LHFPL3: variants seen among roughly 807,000 people sequenced by gnomAD.
LHFPL3 encodes the protein LHFPL tetraspan subfamily member 3 protein.
Under a neutral mutation model 19.3 loss-of-function variants are expected in LHFPL3, and 5 were observed. That is an observed-to-expected ratio of 0.26 (90% CI 0.14 to 0.54). The LOEUF (loss-of-function observed/expected upper bound fraction) is 0.54. Among genes scored for constraint, LHFPL3 ranks in the 20% least tolerant of loss-of-function variants. The pLI, the probability that LHFPL3 is intolerant of heterozygous loss-of-function variation, is 0.94. For synonymous variants in LHFPL3, 133 were observed against 126.2 expected (o/e 1.05, Z -0.36); for missense variants, 249 against 307.4 (o/e 0.81, Z 1.42).
chr7:104,529,594 TAGTC>T (rs1420412470), intron 1 of LHFPL3, among the ~76,000 whole-genome samples: 1 of 152,164 alleles, frequency 6.6e-6, no homozygotes, highest in Non-Finnish European at 1.5e-5. Context: ...GTGAAAGAAA[TAGTC>T]AGCTGGTTCC....
chr7:104,579,009 C>T (rs919130629), intron 1 of LHFPL3, among the ~76,000 whole-genome samples: 4 of 152,130 alleles, frequency 2.6e-5, no homozygotes, highest in Admixed American at 6.6e-5. Flanking sequence ...ATTTTGGAAG[C>T]ATTTGAGAGC....
intron 1 of LHFPL3, among the ~76,000 whole-genome samples, chr7:104,582,815 A>T (rs113020494): frequency 1.1e-3 from 163 of 151,874 alleles, no homozygotes; most frequent in African/African-American, 3.9e-3. Context: ...TTATCTTTTT[A>T]ATATATTATT....
At chr7:104,444,998 A>AG (rs1792302820) in intron 1 of LHFPL3, among the ~76,000 whole-genome samples, 1 of 152,096 alleles carries the variant, frequency 6.6e-6, no homozygotes, top group Admixed American at 6.6e-5. Flanking sequence ...CCAAAAAAAA[A>AG]AAAGAATATT....
chr7:104,501,548 A>G (rs11760686), intron 1 of LHFPL3, among the ~76,000 whole-genome samples: 48,506 of 152,040 alleles, frequency 0.32, 8,146 homozygotes, highest in Middle Eastern at 0.4. Context: ...ATACACCTCT[A>G]TCCCCTAAAC....
intron 1 of LHFPL3, among the ~76,000 whole-genome samples, chr7:104,481,278 A>G (rs1793131549): frequency 6.6e-6 from 1 of 152,082 alleles, no homozygotes; most frequent in Non-Finnish European, 1.5e-5. Flanking sequence ...CATCTACCAC[A>G]TTGTTTCAGA....
At chr7:104,620,146 T>G (rs1034098524) in intron 1 of LHFPL3, among the ~76,000 whole-genome samples, 1 of 152,130 alleles carries the variant, frequency 6.6e-6, no homozygotes, top group East Asian at 1.9e-4. Flanking sequence ...CAAGATCATG[T>G]GATAAGGGTA....
chr7:104,623,195 C>T (rs1046176049), intron 1 of LHFPL3, among the ~76,000 whole-genome samples: 2 of 151,944 alleles, frequency 1.3e-5, no homozygotes, highest in African/African-American at 4.8e-5. Context: ...AGTATCTTCT[C>T]CACTCATGTG....
chr7:104,499,867 T>C (rs550162005), intron 1 of LHFPL3, among the ~76,000 whole-genome samples: 2 of 152,334 alleles, frequency 1.3e-5, no homozygotes, highest in South Asian at 2.1e-4. Context: ...TGTGCTTTCT[T>C]ACCAGTAGAA....
intron 2 of LHFPL3, among the ~76,000 whole-genome samples, chr7:104,792,311 C>T (rs775916345): frequency 6.6e-6 from 1 of 152,162 alleles, no homozygotes; most frequent in African/African-American, 2.4e-5. Flanking sequence ...AAATTCCAAG[C>T]AAACTCCTTT....
At chr7:104,648,162 G>A (rs886170544) in intron 1 of LHFPL3, among the ~76,000 whole-genome samples, 13 of 152,220 alleles carry the variant, frequency 8.5e-5, no homozygotes, top group Admixed American at 7.9e-4. Flanking sequence ...ACTCCTGAAG[G>A]ACCTCTCTTA....
At chr7:104,502,017 T>C (rs1793605312) in intron 1 of LHFPL3, among the ~76,000 whole-genome samples, 1 of 152,208 alleles carries the variant, frequency 6.6e-6, no homozygotes, top group African/African-American at 2.4e-5. Context: ...TAAATGCATT[T>C]GGACAATGAG....
At chr7:104,574,910 G>A (rs1043459858) in intron 1 of LHFPL3, among the ~76,000 whole-genome samples, 1 of 152,124 alleles carries the variant, frequency 6.6e-6, no homozygotes, top group Non-Finnish European at 1.5e-5. Flanking sequence ...GACACTCCAT[G>A]TATGCAGATC....
chr7:104,703,821 C>T (rs1400024327), intron 1 of LHFPL3, among the ~76,000 whole-genome samples: 1 of 152,042 alleles, frequency 6.6e-6, no homozygotes, highest in Admixed American at 6.6e-5. Context: ...AATTTTCTGG[C>T]TTGGTCAGCT....
intron 1 of LHFPL3, among the ~76,000 whole-genome samples, chr7:104,347,548 C>G (rs7794488): frequency 0.63 from 96,111 of 152,004 alleles, 31,339 homozygotes; most frequent in East Asian, 0.88. Context: ...CAGGGACCAT[C>G]GCTGTTTTAC....
chr7:104,348,644 A>T (rs1790117165), intron 1 of LHFPL3, among the ~76,000 whole-genome samples: 1 of 152,262 alleles, frequency 6.6e-6, no homozygotes, highest in Admixed American at 6.5e-5. Context: ...AACACATTTG[A>T]GAATAAACCT....
intron 1 of LHFPL3, among the ~76,000 whole-genome samples, chr7:104,633,509 A>C (rs1018065868): frequency 2.6e-5 from 4 of 152,204 alleles, no homozygotes; most frequent in African/African-American, 9.7e-5. Flanking sequence ...AGTTTAGCTG[A>C]ATGTTACAGC....
intron 2 of LHFPL3, among the ~76,000 whole-genome samples, chr7:104,893,999 G>C (rs1157778521): frequency 2.6e-5 from 4 of 151,740 alleles, no homozygotes; most frequent in Admixed American, 2.6e-4. Context: ...ACACAACCTG[G>C]TATTAATACA....
intron 2 of LHFPL3, among the ~76,000 whole-genome samples, chr7:104,737,865 C>T (rs1361486077): frequency 6.6e-6 from 1 of 152,102 alleles, no homozygotes; most frequent in African/African-American, 2.4e-5. Flanking sequence ...CAAGTAGGTG[C>T]TAATTTCAAA....
At chr7:104,369,934 T>C (rs766392614) in intron 1 of LHFPL3, among the ~76,000 whole-genome samples, 1 of 152,222 alleles carries the variant, frequency 6.6e-6, no homozygotes, top group Non-Finnish European at 1.5e-5. Flanking sequence ...AATTTGCAAA[T>C]GTTTTCTCCC....
Sources: gnomAD v4.1 joint callset for allele counts (sites outside exome capture counted in the v4.1 genomes callset) on GRCh38, gnomAD v4.1.1 for gene constraint, MANE v1.5 for transcripts, NCBI Gene and HGNC (gene_info 2026-07-23, HGNC 2026-07-21) for gene names.